The following AKAP6 variants were observed in gnomAD, a reference collection of about 807,000 sequenced individuals.
AKAP6 encodes A-kinase anchoring protein 6.
AKAP6 carries 58 observed loss-of-function variants against 188.5 expected under a neutral mutation model. The ratio of observed to expected loss-of-function variants is 0.31; its 90% confidence interval spans 0.25 to 0.38. The LOEUF is 0.38. Among genes scored for constraint, AKAP6 ranks in the 10% least tolerant of loss-of-function variants. The pLI is 1.00. For synonymous variants in AKAP6, 989 were observed against 998.6 expected (o/e 0.99, Z 0.18); for missense variants, 2,710 against 2,740.0 (o/e 0.99, Z 0.24).
intron 1 of AKAP6, among the ~76,000 whole-genome samples, chr14:32,331,312 C>T (rs1432572613): frequency 6.6e-6 from 1 of 151,946 alleles, no homozygotes; most frequent in African/African-American, 2.4e-5. Context: ...TGTTCAATTA[C>T]TGGAAGTCAC....
At chr14:32,499,797 G>A (rs1880514057) in intron 2 of AKAP6, among the ~76,000 whole-genome samples, 2 of 151,686 alleles carry the variant, frequency 1.3e-5, no homozygotes, top group African/African-American at 2.4e-5. Flanking sequence ...CTTAAAAAGA[G>A]AGCGAGATTA....
intron 2 of AKAP6, among the ~76,000 whole-genome samples, chr14:32,487,955 C>G (rs1349791881): frequency 6.6e-6 from 1 of 152,194 alleles, no homozygotes; most frequent in African/African-American, 2.4e-5. Flanking sequence ...AGCTGGAGCT[C>G]TCCTGTATGA....
At chr14:32,649,726 A>G (rs998428859) in intron 7 of AKAP6, among the ~76,000 whole-genome samples, 7 of 152,172 alleles carry the variant, frequency 4.6e-5, no homozygotes, top group African/African-American at 1.7e-4. Flanking sequence ...ACTTTACATA[A>G]TTTATGGTTA....
In AKAP6 at chr14:32,723,481, G is replaced by A. The variant is rs374994683; in HGVS notation, c.3001-8973G>A. Among the ~76,000 whole-genome samples the A allele has an allele frequency of 2.4e-4, 37 of 152,124 alleles. 2 individuals are homozygous for A. In the South Asian group the frequency reaches 7.1e-3, roughly 29 times the overall value. On this transcript the variant is annotated intron_variant, in intron 9 of 13. Transcript: ENST00000280979. ...TATCCAGAGACATAGTTTGATCTGT[G>A]TAGTGTTAAAAAGTTTTAATGCAAC...
At chr14:32,706,131 A>G (rs1051198963) in intron 9 of AKAP6, among the ~76,000 whole-genome samples, 8 of 152,192 alleles carry the variant, frequency 5.3e-5, no homozygotes, top group African/African-American at 4.8e-5. Context: ...GGTGGCTCCA[A>G]TGCTCATGGT....
intron 2 of AKAP6, among the ~76,000 whole-genome samples, chr14:32,510,785 C>A (rs1320186270): frequency 6.6e-6 from 1 of 152,042 alleles, no homozygotes; most frequent in Non-Finnish European, 1.5e-5. Flanking sequence ...AATATTTGTT[C>A]ATTTCAAGGA....
At chr14:32,385,537 G>T (rs1888505371) in intron 1 of AKAP6, among the ~76,000 whole-genome samples, 1 of 151,234 alleles carries the variant, frequency 6.6e-6, no homozygotes, top group Non-Finnish European at 1.5e-5. Flanking sequence ...CACCCTATTT[G>T]TAGTCTTTTA....
intron 12 of AKAP6, among the ~76,000 whole-genome samples, chr14:32,789,035 A>G (rs2140047361): frequency 6.6e-6 from 1 of 152,244 alleles, no homozygotes; most frequent in African/African-American, 2.4e-5. Flanking sequence ...CCAGCCTGCC[A>G]CCTTTGGACA....
chr14:32,758,980 C>T (rs1335671065), intron 11 of AKAP6, among the ~76,000 whole-genome samples: 1 of 152,080 alleles, frequency 6.6e-6, no homozygotes, highest in African/African-American at 2.4e-5. Context: ...CATTTTTCAC[C>T]TTGTGTTTAT....
intron 11 of AKAP6, among the ~76,000 whole-genome samples, chr14:32,745,564 G>C (rs1419967669): frequency 1.3e-5 from 2 of 151,832 alleles, no homozygotes; most frequent in Non-Finnish European, 2.9e-5. Context: ...TGGGGGTGGA[G>C]TGACACAAGC....
intron 11 of AKAP6, among the ~76,000 whole-genome samples, chr14:32,766,398 G>A (rs1378661446): frequency 1.3e-5 from 2 of 152,076 alleles, no homozygotes; most frequent in Admixed American, 1.3e-4. Flanking sequence ...GGATCATACA[G>A]TAATTATATG....
intron 2 of AKAP6, among the ~76,000 whole-genome samples, chr14:32,481,247 A>T (rs1879324314): frequency 6.6e-6 from 1 of 152,142 alleles, no homozygotes; most frequent in Non-Finnish European, 1.5e-5. Context: ...CACTGAAAGG[A>T]CACTTCTCCC....
At chr14:32,412,443 G>A (rs1889519419) in intron 1 of AKAP6, among the ~76,000 whole-genome samples, 1 of 152,056 alleles carries the variant, frequency 6.6e-6, no homozygotes, top group Admixed American at 6.6e-5. Context: ...CATGATAATT[G>A]GACATACGTC....
At chr14:32,496,911 G>C (rs1275927811) in intron 2 of AKAP6, among the ~76,000 whole-genome samples, 1 of 152,138 alleles carries the variant, frequency 6.6e-6, no homozygotes, top group Non-Finnish European at 1.5e-5. Flanking sequence ...ATCATCCAGA[G>C]TTACTTCCTG....
At chr14:32,623,609 C>G (rs2139427484) in intron 7 of AKAP6, among the ~76,000 whole-genome samples, 1 of 152,230 alleles carries the variant, frequency 6.6e-6, no homozygotes, top group East Asian at 1.9e-4. Flanking sequence ...ATATTTGACA[C>G]TTGCTGCTTA....
At chr14:32,462,998 CAAAG>C (rs71115074) in intron 2 of AKAP6, among the ~76,000 whole-genome samples, 32,666 of 102,486 alleles carry the variant, frequency 0.32, 4,453 homozygotes, top group Middle Eastern at 0.45. Context: ...AAAAAAAAGA[CAAAG>C]AAAGGCATTA....
At chr14:32,346,577 T>C (rs1020278274) in intron 1 of AKAP6, among the ~76,000 whole-genome samples, 2 of 152,234 alleles carry the variant, frequency 1.3e-5, no homozygotes, top group East Asian at 1.9e-4. Flanking sequence ...GGTGCTATCT[T>C]GGCTCACTGA....
intron 1 of AKAP6, among the ~76,000 whole-genome samples, chr14:32,371,998 T>TC (rs2138521322): frequency 6.6e-6 from 1 of 151,942 alleles, no homozygotes; most frequent in African/African-American, 2.4e-5. Flanking sequence ...TCCTTCCTTC[T>TC]CTTTTTTTTT....
intron 12 of AKAP6, among the ~76,000 whole-genome samples, chr14:32,796,723 C>G (rs2033778634): frequency 6.6e-6 from 1 of 151,862 alleles, no homozygotes; most frequent in Non-Finnish European, 1.5e-5. Context: ...ATAGCCATAC[C>G]ATTCAGGACA....
Sources: gnomAD v4.1 joint callset for allele counts (sites outside exome capture counted in the v4.1 genomes callset) on GRCh38, gnomAD v4.1.1 for gene constraint, MANE v1.5 for transcripts, NCBI Gene and HGNC (gene_info 2026-07-23, HGNC 2026-07-21) for gene names.